DONSON: variants seen among roughly 807,000 people sequenced by gnomAD.
DONSON encodes protein downstream neighbor of Son.
Under a neutral mutation model 62.1 loss-of-function variants are expected in DONSON, and 43 were observed. The ratio of observed to expected loss-of-function variants is 0.69; its 90% CI spans 0.54 to 0.89. The LOEUF (loss-of-function observed/expected upper bound fraction) is 0.89. Among genes scored for constraint, DONSON ranks in the 40% least tolerant of loss-of-function variants. The pLI, the probability that DONSON is intolerant of heterozygous loss-of-function variation, is 0.00. For missense variants in DONSON, 696 were observed against 697.5 expected (o/e 1.00, Z 0.03); for synonymous variants, 266 against 264.6 (o/e 1.01, Z -0.05).
At chr21:33,580,932 G>C (rs1029265961) in intron 8 of DONSON, among the ~76,000 whole-genome samples, 1 of 151,798 alleles carries the variant, frequency 6.6e-6, no homozygotes, top group Non-Finnish European at 1.5e-5. Context: ...AAAATAGCTA[G>C]GCTTGGTGGT....
Position 33,578,107 on chromosome 21 carries a change from TTTGAG to T in DONSON, c.*195_*199del. On this transcript the variant is annotated 3_prime_UTR_variant, in exon 10 of 10. Transcript: ENST00000303071. The stretch of plus-strand genomic sequence containing the variant: ...AGGTTGTAGGGATATAGATATCTCA[TTTGAG>T]TTATCTGAGTTTTTCATCTTTATAT... 1.9e-6 allele frequency: 1 copy of T among 532,792 alleles called. No homozygotes were observed. The highest frequency in any genetic ancestry group is 3.2e-6 in the Non-Finnish European group (1 of 309,726). 33.0% of individuals were successfully genotyped at this position (532,792 alleles called of 1,614,324 possible). A position where few individuals can be genotyped will look rare whatever the true frequency, so the allele number is the denominator to read the frequency against.
chr21:33,579,393 G>C lies in DONSON; in HGVS notation c.1520C>G (p.Ala507Gly). Reference sequence around the variant, plus strand: ...CATTTGCAGGCAGATGTTAAATACAGCAGTTGGCTCGTGTGGATACAGTAC... The same window carrying C: ...CATTTGCAGGCAGATGTTAAATACACCAGTTGGCTCGTGTGGATACAGTAC... ...SAVLYPHEPTAVFNICLQMDK... is the reference protein window; with the variant it reads ...SAVLYPHEPTGVFNICLQMDK... Residue 507 changes from alanine (A) to glycine (G), a missense_variant, in exon 9 of 10, where the codon GCT (alanine) becomes GGT (glycine). Ala to Gly is a moderately conservative substitution (Grantham distance 60). Transcript: ENST00000303071. 1 of 1,612,288 alleles carries C rather than the reference G, an allele frequency of 6.2e-7. No individual in the cohort carries two copies. Among genetic ancestry groups the C allele is most frequent in the Non-Finnish European group, 8.5e-7 (1 of 1,178,670 alleles).
In DONSON at chr21:33,581,425, A is replaced by G; in HGVS notation, c.1227T>C (p.Phe409=). ...AGTTAATCAAAAAATTGAGCAATGT[A>G]AAGGTGTTGATTCCTTTTACCAACA... is the stretch of plus-strand genomic sequence containing the variant. ...SVVLVKGINT[F]TLLNFLINSK... Residue 409 remains phenylalanine (F), a synonymous_variant, in exon 8 of 10, where the codon TTT becomes TTC. Coordinates refer to ENST00000303071, the MANE Select transcript of DONSON (RefSeq NM_017613.4). 1.2e-6 allele frequency: 2 copies of G among 1,614,126 alleles called. No individual in the cohort carries two copies.
intron 4 of DONSON, 110 bp downstream of exon 4, chr21:33,584,480 G>C (rs1462263887): frequency 9.4e-7 from 1 of 1,061,874 alleles, no homozygotes; most frequent in African/African-American, 1.6e-5. Context: ...AAATTCACAA[G>C]GATCTAGATA....
intron 5 of DONSON, among the ~76,000 whole-genome samples, chr21:33,583,232 T>TCATCTGA (rs1473001816): frequency 1.2e-5 from 1 of 83,338 alleles, no homozygotes; most frequent in African/African-American, 5.8e-5. Context: ...AAAAGAATGA[T>TCATCTGA]CATCTGATGT....
chr21:33,578,929 G>T (rs186535357), intron 9 of DONSON, among the ~76,000 whole-genome samples: 5 of 152,270 alleles, frequency 3.3e-5, no homozygotes, highest in Admixed American at 3.3e-4. Flanking sequence ...CTGAAGTCAG[G>T]AGTTCAAGAC....
At chr21:33,579,872 C>A (rs2086485661) in intron 8 of DONSON, among the ~76,000 whole-genome samples, 1 of 152,054 alleles carries the variant, frequency 6.6e-6, no homozygotes, top group Admixed American at 6.6e-5. Context: ...AATTTAAAAT[C>A]CATTCAATTT....
At chr21:33,584,047 CT>C (rs1489118718) in intron 4 of DONSON, among the ~76,000 whole-genome samples, 916 of 82,696 alleles carry the variant, frequency 0.011, 11 homozygotes, top group African/African-American at 0.036. Context: ...TATATATATA[CT>C]TTTTTTTTTT....
Position 33,588,435 on chromosome 21 carries a change from G to A in DONSON, c.207C>T (p.Gly69=). Residue 69 remains glycine, a synonymous_variant, in exon 1 of 10, where the codon GGC becomes GGT. Coordinates refer to ENST00000303071, the MANE Select transcript of DONSON (RefSeq NM_017613.4). ...PAAGGRGGGS[G]GGPAAARRNP... ...TCCTCCGAGCAGCGGCCGGGCCGCC[G>A]CCGCTGCCACCGCCTCTGCCCCCCG... 2 of 1,309,784 alleles carry A rather than the reference G, an allele frequency of 1.5e-6. No homozygotes were observed. The highest frequency in any genetic ancestry group is 2.2e-5 in the South Asian group (1 of 44,660). 81.1% of individuals were successfully genotyped at this position (1,309,784 alleles called of 1,614,324 possible).
At position 33,585,896 on chromosome 21, in the gene DONSON, G is replaced by A. The variant is rs2086571701; in HGVS notation, c.606+82C>T. 3.1e-6 allele frequency: 4 copies of A among 1,298,792 alleles called. No homozygotes were observed. In the Admixed American group the frequency reaches 5.6e-5, roughly 18 times the overall value. The allele number at this position is 1,298,792 out of a possible 1,614,324, so 80.5% of individuals were successfully genotyped here. ...TTTCCAAAGAAAAACTTAATGGAAG[G>A]CAGCATCTGCTATTTTGCAAAGGAG... On this transcript the variant is annotated intron_variant, in intron 3 of 9. Coordinates refer to ENST00000303071, the MANE Select transcript of DONSON (RefSeq NM_017613.4).
chr21:33,581,777 T>C (rs959401115), intron 7 of DONSON, among the ~76,000 whole-genome samples, 174 bp downstream of exon 7: 1 of 152,268 alleles, frequency 6.6e-6, no homozygotes, highest in Non-Finnish European at 1.5e-5. Context: ...AAAGGTTTAA[T>C]AGTTCACCAT....
chr21:33,588,070 C>A (rs1469925631), intron 1 of DONSON, among the ~76,000 whole-genome samples: 2 of 152,182 alleles, frequency 1.3e-5, no homozygotes, highest in African/African-American at 4.8e-5. Context: ...CTCTGGGGCC[C>A]CCTCACTTTC....
chr21:33,586,116 G>A lies in DONSON; in HGVS notation c.468C>T (p.Asp156=). 6.2e-7 allele frequency: 1 copy of A among 1,614,158 alleles called. No homozygotes were observed. Among genetic ancestry groups the A allele is most frequent in the Non-Finnish European group, 8.5e-7 (1 of 1,180,014 alleles). The change falls in exon 3 of 10, where the codon GAC becomes GAT. Residue 156 remains aspartate, a synonymous_variant. Transcript: ENST00000303071. ...AAAGGAGTCGCGTTTTAATACTCCA[G>A]TCCACAGGTAACTCAGTACTTTTTG... The part of the protein sequence containing the change: ...PSSKSTELPV[D]WSIKTRLLFT...
intron 5 of DONSON, among the ~76,000 whole-genome samples, 195 bp downstream of exon 5, chr21:33,583,293 C>T (rs970019703): frequency 6.6e-6 from 1 of 150,912 alleles, no homozygotes; most frequent in African/African-American, 2.4e-5. Flanking sequence ...GAAACTGATC[C>T]CTAGTGCCAA....
At chr21:33,582,127 A>T in intron 6 of DONSON, 38 bp downstream of exon 6, 1 of 1,611,374 alleles carries the variant, frequency 6.2e-7, no homozygotes, top group Non-Finnish European at 8.5e-7. Flanking sequence ...ATGAGTCCAT[A>T]AGTCAGTGGA....
At chr21:33,581,677 A>G (rs1008864061) in intron 7 of DONSON, among the ~76,000 whole-genome samples, 177 bp from the exon 8 acceptor site, 1 of 152,200 alleles carries the variant, frequency 6.6e-6, no homozygotes, top group Non-Finnish European at 1.5e-5. Context: ...AACAATCTGA[A>G]TTTGCTACAA....
At position 33,579,496 on chromosome 21, in the gene DONSON, T is replaced by G; in HGVS notation, c.1417A>C (p.Thr473Pro). The change falls in exon 9 of 10, where the codon ACA (threonine) becomes CCA (proline). Residue 473 changes from threonine to proline, a missense_variant. Thr to Pro is a conservative substitution (Grantham distance 38, BLOSUM62 -1). Coordinates refer to ENST00000303071, the MANE Select transcript of DONSON (RefSeq NM_017613.4). ...AGAGAATGAGGCATGATAGGACCTG[T>G]AATCTCCAAACTAAATTGGTCTCTG... is the stretch of plus-strand genomic sequence containing the variant. ...GYRDQFSLEI[T>P]GPIMPHSLHS... 1.9e-6 allele frequency: 3 copies of G among 1,614,250 alleles called. No individual in the cohort carries two copies. Among genetic ancestry groups the G allele is most frequent in the Non-Finnish European group, 2.5e-6 (3 of 1,180,032 alleles).
Position 33,577,672 on chromosome 21 carries a change from CACACACACACACACACACACACA to C in DONSON, c.*612_*634del, listed in dbSNP as rs1569073104. 49 of 101,562 alleles carry C rather than the reference CACACACACACACACACACACACA, an allele frequency of 4.8e-4. No individual in the cohort carries two copies. Among genetic ancestry groups the C allele is most frequent in the African/African-American group, 2.1e-3 (47 of 22,874 alleles). 6.3% of individuals were successfully genotyped at this position (101,562 alleles called of 1,614,324 possible). A position where few individuals can be genotyped will look rare whatever the true frequency, so the allele number is the denominator to read the frequency against. Reference sequence around the variant, plus strand: ...ACACACACACACACACACACACACACACACACACACACACACACACACACACACACCCCTATAAGCACATTAAA... The same window carrying C: ...ACACACACACACACACACACACACACCACACACCCCTATAAGCACATTAAA... On this transcript the variant is annotated 3_prime_UTR_variant, in exon 10 of 10. Transcript: ENST00000303071.
chr21:33,582,760 ACAG>A (rs1165833354), intron 5 of DONSON, among the ~76,000 whole-genome samples: 1 of 152,192 alleles, frequency 6.6e-6, no homozygotes, highest in Non-Finnish European at 1.5e-5. Flanking sequence ...ACCGGGCTGC[ACAG>A]CAGGAGGTGA....
Sources: allele counts gnomAD v4.1 joint callset (sites outside exome capture counted in the v4.1 genomes callset), GRCh38; gene constraint gnomAD v4.1.1; transcripts MANE v1.5; gene names NCBI Gene and HGNC (gene_info 2026-07-23, HGNC 2026-07-21).